VPS39: variants seen among roughly 807,000 people sequenced by gnomAD.
The protein encoded by VPS39 is vam6/Vps39-like protein.
In VPS39, 70 loss-of-function variants were observed where a neutral mutation model predicts 121.0. That is an observed-to-expected ratio of 0.58 (90% CI 0.48 to 0.71). The LOEUF is 0.71. Ranked by LOEUF, VPS39 falls within the 30% of genes least tolerant of loss-of-function variation. The pLI, the probability that VPS39 is intolerant of heterozygous loss-of-function variation, is 0.00. For missense variants in VPS39, 818 were observed against 1,051.5 expected, an observed-to-expected ratio of 0.78 and a Z score of 3.07; for synonymous variants, 378 against 398.1, an observed-to-expected ratio of 0.95 and a Z score of 0.60.
At chr15:42,182,685 G>A (rs1379298133) in intron 8 of VPS39, among the ~76,000 whole-genome samples, 5 of 152,216 alleles carry the variant, frequency 3.3e-5, no homozygotes, top group African/African-American at 1.2e-4. Context: ...ATACCTGAAA[G>A]GGTTAGGGAA....
chr15:42,165,737 C>T lies in VPS39; in HGVS notation c.1760G>A (p.Gly587Asp), dbSNP rs1298448104. ...CCTTACCAGATAAGGAATAGCCAGA[C>T]CCTTAAAATTCTCTATTAAGAAGCC... ...VLGFLIENFK[G>D]LAIPYLEHII... is the part of the protein sequence containing the mutation. Residue 587 changes from glycine to aspartate, a missense_variant, in exon 17 of 25, where the codon GGT (glycine) becomes GAT (aspartate). Coordinates refer to ENST00000318006, the MANE Select transcript of VPS39 (RefSeq NM_015289.5). 4 of 1,614,122 alleles carry T rather than the reference C, an allele frequency of 2.5e-6. No individual in the cohort carries two copies. The highest frequency in any genetic ancestry group is 3.4e-6 in the Non-Finnish European group (4 of 1,179,996).
intron 7 of VPS39, among the ~76,000 whole-genome samples, chr15:42,187,015 T>C (rs1566904042): frequency 6.6e-6 from 1 of 152,360 alleles, no homozygotes; most frequent in East Asian, 1.9e-4. Context: ...GCCTTCATTA[T>C]CTGTCCCAAT....
chr15:42,175,421 AAAAG>A (rs898104875), intron 10 of VPS39, among the ~76,000 whole-genome samples: 6 of 151,878 alleles, frequency 4.0e-5, no homozygotes, highest in Non-Finnish European at 8.8e-5. Context: ...AAAAAAAAAA[AAAAG>A]AAAGAAAAAA....
chr15:42,207,242 A>C (rs535975147), intron 1 of VPS39, among the ~76,000 whole-genome samples: 5 of 152,334 alleles, frequency 3.3e-5, no homozygotes, highest in Admixed American at 6.5e-5. Flanking sequence ...GATCTGAATC[A>C]TCTTTTTATG....
chr15:42,192,940 C>T (rs1338260077), intron 2 of VPS39, among the ~76,000 whole-genome samples: 1 of 151,950 alleles, frequency 6.6e-6, no homozygotes. Context: ...CCACCATGCC[C>T]GGCTAATTTT....
At chr15:42,173,942 C>T in intron 10 of VPS39, 90 bp from the exon 11 acceptor site, 1 of 1,494,752 alleles carries the variant, frequency 6.7e-7, no homozygotes, top group Non-Finnish European at 9.1e-7. Flanking sequence ...CTAGGAGCTA[C>T]AGACACCAAA....
chr15:42,177,793 A>G lies in VPS39; in HGVS notation c.960+425T>C, dbSNP rs1239032433. On this transcript the variant is annotated intron_variant, in intron 10 of 24. Coordinates refer to ENST00000318006, the MANE Select transcript of VPS39 (RefSeq NM_015289.5). The stretch of plus-strand genomic sequence containing the variant: ...GCAATTCTCCTGCCTCAGCTTCCTG[A>G]GTGGCTGGGATTACAGGTTCCTGCC... 2.0e-5 allele frequency among the ~76,000 whole-genome samples: 3 copies of G among 151,960 alleles called. No individual in the cohort carries two copies. In the East Asian group the frequency reaches 5.8e-4, roughly 29 times the overall value.
intron 2 of VPS39, among the ~76,000 whole-genome samples, chr15:42,197,777 T>C (rs573953666): frequency 3.5e-4 from 54 of 152,128 alleles, no homozygotes; most frequent in African/African-American, 1.2e-3. Flanking sequence ...TATTATCCCC[T>C]CCCTTTCCTC....
chr15:42,208,129 G>C lies in VPS39; in HGVS notation c.25C>G (p.Pro9Ala). The change falls in exon 1 of 25, where the codon CCG (proline) becomes GCG (alanine). Residue 9 changes from proline (P) to alanine (A), a missense_variant. Transcript: ENST00000318006. MHDAFEPV[P>A]ILEKLPLQID... ...TGCAGAGGCAGCTTTTCTAGGATCG[G>C]CACTGGCTCGAAAGCGTCGTGCATG... The C allele has an allele frequency of 6.3e-7, 1 of 1,582,418 alleles. No homozygotes were observed. The highest frequency in any genetic ancestry group is 8.6e-7 in the Non-Finnish European group (1 of 1,163,922).
intron 2 of VPS39, among the ~76,000 whole-genome samples, chr15:42,193,320 ATAATT>A (rs2049869004): frequency 2.0e-5 from 3 of 152,350 alleles, no homozygotes; most frequent in African/African-American, 7.2e-5. Flanking sequence ...ATCTGTTTTG[ATAATT>A]TAATTTGTTT....
intron 7 of VPS39, among the ~76,000 whole-genome samples, 172 bp from the exon 8 acceptor site, chr15:42,184,872 G>A (rs150575176): frequency 6.0e-4 from 92 of 152,314 alleles, no homozygotes; most frequent in African/African-American, 2.1e-3. Flanking sequence ...TGTAAAACCC[G>A]TTCTCTAATG....
At chr15:42,201,900 T>C (rs902106421) in intron 1 of VPS39, among the ~76,000 whole-genome samples, 2 of 152,242 alleles carry the variant, frequency 1.3e-5, no homozygotes, top group Non-Finnish European at 2.9e-5. Flanking sequence ...TTATTGAGCA[T>C]GTATTGTGTT....
chr15:42,180,944 T>G (rs1048213913), intron 8 of VPS39, among the ~76,000 whole-genome samples: 1 of 152,164 alleles, frequency 6.6e-6, no homozygotes, highest in African/African-American at 2.4e-5. Context: ...GCGGCCGCTA[T>G]GGAAAACAGT....
At chr15:42,188,716 T>C (rs2049756923) in intron 5 of VPS39, among the ~76,000 whole-genome samples, 1 of 152,180 alleles carries the variant, frequency 6.6e-6, no homozygotes, top group Non-Finnish European at 1.5e-5. Context: ...ATGCCTGTAA[T>C]CCCAGCACTT....
chr15:42,166,521 G>C (rs2049245937), intron 15 of VPS39, 42 bp downstream of exon 15: 2 of 1,604,626 alleles, frequency 1.2e-6, no homozygotes, highest in Non-Finnish European at 1.7e-6. Context: ...CAGGTCATTT[G>C]AACAGGAGCG....
chr15:42,208,215 C>A lies in VPS39; in HGVS notation c.-62G>T. On this transcript the variant is annotated 5_prime_UTR_variant, in exon 1 of 25. Transcript: ENST00000318006. The stretch of plus-strand genomic sequence containing the variant: ...AGAGTGTTCCGGGCCGGGCTGGGGT[C>A]CGGAACGAGTCTGGGCTAAGGGTAG... The A allele has an allele frequency of 6.5e-7, 1 of 1,549,022 alleles. No homozygotes were observed. Among genetic ancestry groups the A allele is most frequent in the African/African-American group, 1.4e-5 (1 of 73,172 alleles).
chr15:42,171,004 G>C (rs559794332), intron 11 of VPS39, among the ~76,000 whole-genome samples: 1 of 152,088 alleles, frequency 6.6e-6, no homozygotes, highest in African/African-American at 2.4e-5. Flanking sequence ...CAAAATGCTG[G>C]GATTATAGGC....
At chr15:42,190,994 C>T (rs772545512) in intron 4 of VPS39, 131 bp downstream of exon 4, 1 of 964,890 alleles carries the variant, frequency 1.0e-6, no homozygotes, top group East Asian at 2.4e-5. Context: ...TAACCATGTA[C>T]CCTGTTATAC....
chr15:42,164,674 T>TA (rs1402670707), intron 18 of VPS39, 188 bp from the exon 19 acceptor site: 48 of 1,434,276 alleles, frequency 3.3e-5, no homozygotes, highest in Non-Finnish European at 3.9e-5. Flanking sequence ...AGCTTACGGT[T>TA]AAAAAAATAA....
Sources: gnomAD v4.1 joint callset for allele counts (sites outside exome capture counted in the v4.1 genomes callset) on GRCh38, gnomAD v4.1.1 for gene constraint, MANE v1.5 for transcripts, NCBI Gene and HGNC (gene_info 2026-07-23, HGNC 2026-07-21) for gene names.